TDRD12: variants seen among roughly 807,000 people sequenced by gnomAD.
The protein encoded by TDRD12 is tudor domain containing 12, also known as putative ATP-dependent RNA helicase TDRD12.
In TDRD12, 158 loss-of-function variants were observed where a neutral mutation model predicts 133.5. That is an observed-to-expected ratio of 1.18 (90% CI 1.04 to 1.35). The LOEUF (loss-of-function observed/expected upper bound fraction) is 1.35. Among genes scored for constraint, TDRD12 ranks in the 40% most tolerant of loss-of-function variants. The probability of loss-of-function intolerance (pLI) is 0.00; values close to 1 mark genes in which losing one functional copy is unlikely to be tolerated. For synonymous variants in TDRD12, 460 were observed against 477.9 expected, an observed-to-expected ratio of 0.96 and a Z score of 0.49; for missense variants, 1,443 against 1,321.3, an observed-to-expected ratio of 1.09 and a Z score of -1.43.
chr19:32,756,350 C>G (rs904106753), intron 7 of TDRD12, among the ~76,000 whole-genome samples, 169 bp downstream of exon 7: 1 of 152,010 alleles, frequency 6.6e-6, no homozygotes, highest in East Asian at 1.9e-4. Flanking sequence ...TAAAGTGTTA[C>G]AGTTTGTGTT....
intron 4 of TDRD12, among the ~76,000 whole-genome samples, chr19:32,746,286 G>A (rs979617826): frequency 1.4e-5 from 2 of 145,540 alleles, no homozygotes; most frequent in African/African-American, 5.1e-5. Context: ...GGCTGATGTG[G>A]TTATTCTGTG....
exon 9 of TDRD12, chr19:32,772,840 A>T (rs1970477494): frequency 6.8e-7 from 1 of 1,466,348 alleles, no homozygotes; most frequent in East Asian, 2.6e-5. Context: ...TCTTTAAAAG[A>T]TACAAATAAG....
At chr19:32,771,012 A>C (rs997959593) in intron 8 of TDRD12, among the ~76,000 whole-genome samples, 2 of 152,170 alleles carry the variant, frequency 1.3e-5, no homozygotes, top group Non-Finnish European at 2.9e-5. Flanking sequence ...AAAGAGGTTT[A>C]TTTGGCTCAC....
At chr19:32,744,127 C>G (rs1284434939) in intron 4 of TDRD12, among the ~76,000 whole-genome samples, 1 of 151,754 alleles carries the variant, frequency 6.6e-6, no homozygotes, top group Non-Finnish European at 1.5e-5. Context: ...GATTGACATA[C>G]TTGCTGTATT....
chr19:32,731,883 G>A, exon 2 of TDRD12: 1 of 1,538,476 alleles, frequency 6.5e-7, no homozygotes, highest in Non-Finnish European at 8.7e-7. Context: ...AAGAAGGACA[G>A]GTATGTATCT....
intron 11 of TDRD12, 86 bp downstream of exon 11, chr19:32,777,315 T>C (rs1253073420): frequency 4.5e-6 from 4 of 897,398 alleles, no homozygotes; most frequent in Admixed American, 6.1e-5. Context: ...ATTTTATTAT[T>C]AATTTCAAAC....
intron 27 of TDRD12, among the ~76,000 whole-genome samples, chr19:32,819,771 G>C (rs1967315912): frequency 6.6e-6 from 1 of 152,214 alleles, no homozygotes; most frequent in South Asian, 2.1e-4. Flanking sequence ...GTGACCCGCA[G>C]ATCTGGAAGC....
At chr19:32,749,719 C>CGTCATG in intron 5 of TDRD12, 65 bp from the exon 6 acceptor site, 1 of 1,278,904 alleles carries the variant, frequency 7.8e-7, no homozygotes, top group Non-Finnish European at 1.1e-6. Flanking sequence ...GGTGGGAAAT[C>CGTCATG]GTCATGATTG....
chr19:32,813,613 CTGTA>C (rs1967080002), intron 24 of TDRD12, 67 bp from the exon 25 acceptor site: 2 of 872,776 alleles, frequency 2.3e-6, no homozygotes, highest in Admixed American at 2.3e-5. Flanking sequence ...ATTTTGCAAA[CTGTA>C]TGGCATATAC....
chr19:32,773,568 C>G, intron 10 of TDRD12, 36 bp downstream of exon 10: 1 of 1,538,904 alleles, frequency 6.5e-7, no homozygotes, highest in Non-Finnish European at 8.8e-7. Flanking sequence ...TGTGGTGGCG[C>G]CTGCCTGTAG....
intron 8 of TDRD12, among the ~76,000 whole-genome samples, chr19:32,770,461 A>G (rs1970414634): frequency 6.6e-6 from 1 of 152,110 alleles, no homozygotes; most frequent in Non-Finnish European, 1.5e-5. Flanking sequence ...ATATAGCTAT[A>G]CTTTCTAATG....
chr19:32,756,148 T>G, exon 7 of TDRD12: 1 of 1,435,146 alleles, frequency 7.0e-7, no homozygotes, highest in Non-Finnish European at 9.1e-7. Context: ...CTGGCCAATG[T>G]TTTTGCAAGG....
intron 18 of TDRD12, among the ~76,000 whole-genome samples, 183 bp from the exon 19 acceptor site, chr19:32,801,573 A>AGTTTT (rs1267101008): frequency 2.0e-5 from 3 of 152,214 alleles, no homozygotes; most frequent in Non-Finnish European, 4.4e-5. Context: ...TTTAGACATA[A>AGTTTT]ACAACCGAAT....
chr19:32,760,142 T>G (rs1408291017), intron 8 of TDRD12, among the ~76,000 whole-genome samples: 4 of 152,210 alleles, frequency 2.6e-5, no homozygotes, highest in Admixed American at 2.6e-4. Flanking sequence ...TTGCTTGATA[T>G]GTCAAAATTA....
exon 13 of TDRD12, chr19:32,791,015 A>G: frequency 6.5e-7 from 1 of 1,536,200 alleles, no homozygotes; most frequent in Non-Finnish European, 8.7e-7. Context: ...CCGGAACAAG[A>G]TCAAGCCCTG....
intron 4 of TDRD12, among the ~76,000 whole-genome samples, chr19:32,744,068 A>G (rs1300038609): frequency 2.6e-5 from 4 of 151,826 alleles, no homozygotes. Context: ...CTCTTTGTCA[A>G]CATACGTATC....
At chr19:32,754,429 C>T (rs1722479196) in intron 6 of TDRD12, among the ~76,000 whole-genome samples, 1 of 152,096 alleles carries the variant, frequency 6.6e-6, no homozygotes, top group South Asian at 2.1e-4. Context: ...CACTGCACTC[C>T]AGTCTGGGTG....
At chr19:32,736,238 A>C (rs1035977370) in intron 2 of TDRD12, among the ~76,000 whole-genome samples, 7 of 152,182 alleles carry the variant, frequency 4.6e-5, no homozygotes, top group Non-Finnish European at 8.8e-5. Context: ...TATGCTCAGA[A>C]AAAAAGATTC....
chr19:32,758,122 A>G (rs1970048972), intron 8 of TDRD12, among the ~76,000 whole-genome samples: 1 of 152,098 alleles, frequency 6.6e-6, no homozygotes. Flanking sequence ...GGCAGTTCCC[A>G]AGCTCTTGTC....
Sources: gnomAD v4.1 joint callset for allele counts (sites outside exome capture counted in the v4.1 genomes callset) on GRCh38, gnomAD v4.1.1 for gene constraint, MANE v1.5 for transcripts, NCBI Gene and HGNC (gene_info 2026-07-23, HGNC 2026-07-21) for gene names.